The following PLEKHM1 variants were observed in gnomAD, a reference collection of about 807,000 sequenced individuals.
The protein encoded by PLEKHM1 is pleckstrin homology and RUN domain containing M1, also known as pleckstrin homology domain-containing family M member 1.
A neutral mutation model predicts 94.3 loss-of-function variants in PLEKHM1; 28 were observed. The observed-to-expected ratio is 0.30, with a 90% CI of 0.22 to 0.41. The LOEUF (loss-of-function observed/expected upper bound fraction) is 0.41. Ranked by LOEUF, PLEKHM1 falls within the 10% of genes least tolerant of loss-of-function variation. The probability of loss-of-function intolerance (pLI) is 1.00; values close to 1 mark genes in which losing one functional copy is unlikely to be tolerated. For synonymous variants in PLEKHM1, 424 were observed against 581.2 expected (o/e 0.73, Z 3.89); for missense variants, 907 against 1,358.6 (o/e 0.67, Z 5.22).
In PLEKHM1 at chr17:45,436,366, C is replaced by G. The variant is rs1384552405; in HGVS notation, c.*1492G>C. 4.4e-6 allele frequency: 2 copies of G among 454,160 alleles called. No homozygotes were observed. Among genetic ancestry groups the G allele is most frequent in the Admixed American group, 4.7e-5 (2 of 42,584 alleles). 28.1% of individuals were successfully genotyped at this position (454,160 alleles called of 1,614,324 possible). A position where few individuals can be genotyped will look rare whatever the true frequency, so the allele number is the denominator to read the frequency against. ...CATGACCGGGAGAAGCTGTGCGCAG[C>G]CTCCACCTGCCTGCCACCGTTGCCT... On this transcript the variant is annotated 3_prime_UTR_variant, in exon 12 of 12. Coordinates refer to ENST00000430334, the MANE Select transcript of PLEKHM1 (RefSeq NM_014798.3).
chr17:45,462,744 G>A (rs1347158233), intron 5 of PLEKHM1, among the ~76,000 whole-genome samples: 1 of 152,176 alleles, frequency 6.6e-6, no homozygotes, highest in African/African-American at 2.4e-5. Flanking sequence ...ACAAAGGTGG[G>A]TCAAGTGGAC....
chr17:45,444,319 G>C lies in PLEKHM1; in HGVS notation c.2837+1151C>G, dbSNP rs2050535295. Among the ~76,000 whole-genome samples the C allele has an allele frequency of 6.6e-6, 1 of 152,222 alleles. No individual in the cohort carries two copies. The highest frequency in any genetic ancestry group is 1.5e-5 in the Non-Finnish European group (1 of 68,028). On this transcript the variant is annotated intron_variant, in intron 9 of 11. Transcript: ENST00000430334. The surrounding 1 kb of genome is among the most constrained non-coding windows in gnomAD (Gnocchi z 5.0). ...GTCTGCCCTCCTGAGGGTGCTGGGA[G>C]AGTACAGCCCTGGGAAGACTGCAGC...
chr17:45,475,258 G>T lies in PLEKHM1; in HGVS notation c.765C>A (p.Asp255Glu), dbSNP rs765121630. 1.4e-5 allele frequency: 23 copies of T among 1,613,880 alleles called. No individual in the cohort carries two copies. The highest frequency in any genetic ancestry group is 1.3e-4 in the Admixed American group (8 of 60,000). Residue 255 changes from aspartate to glutamate, a missense_variant, in exon 4 of 12, where the codon GAC becomes GAA. Physicochemically the swap from Asp to Glu is conservative, Grantham distance 45 (BLOSUM62 2). Transcript: ENST00000430334. ...QKLTASSLSL[D>E]TASSSQLSCS... ...AGGACAGCTGGGATGAACTGGCCGT[G>T]TCCAGGCTGAGGGAGGAGGCAGTCA...
intron 9 of PLEKHM1, among the ~76,000 whole-genome samples, chr17:45,441,663 C>T (rs2145167176): frequency 6.6e-6 from 1 of 152,298 alleles, no homozygotes; most frequent in Non-Finnish European, 1.5e-5. Context: ...AGTGGCTTCT[C>T]CGCAGTGCTC....
At chr17:45,482,413 C>G in intron 2 of PLEKHM1, 24 bp downstream of exon 2, 2 of 863,092 alleles carry the variant, frequency 2.3e-6, no homozygotes, top group Admixed American at 4.0e-5. Context: ...CTTCCCCGCC[C>G]TTGATCCTCC....
intron 9 of PLEKHM1, among the ~76,000 whole-genome samples, chr17:45,442,732 T>C (rs927708527): frequency 9.9e-5 from 15 of 152,134 alleles, no homozygotes; most frequent in Non-Finnish European, 1.8e-4. Flanking sequence ...TCTAAGCCGC[T>C]GACCGGAAGT....
At chr17:45,486,555 C>G (rs1404255934) in intron 1 of PLEKHM1, among the ~76,000 whole-genome samples, 1 of 151,450 alleles carries the variant, frequency 6.6e-6, no homozygotes, top group Non-Finnish European at 1.5e-5. Flanking sequence ...GCTTGGGCAA[C>G]AGAGCGAGAC....
In PLEKHM1 at chr17:45,445,561, G is replaced by C. The variant is rs1486307731; in HGVS notation, c.2746C>G (p.His916Asp). The change falls in exon 9 of 12, where the codon CAC becomes GAC. Residue 916 changes from histidine (H) to aspartate (D), a missense_variant. His to Asp is a moderately conservative substitution (Grantham distance 81). Coordinates refer to ENST00000430334, the MANE Select transcript of PLEKHM1 (RefSeq NM_014798.3). The surrounding 1 kb of genome is among the most constrained non-coding windows in gnomAD (Gnocchi z 4.2). The stretch of plus-strand genomic sequence containing the variant: ...TGCTCCCGTCTCCTCCCAATGAGGT[G>C]CATCCGCTCCACATGCTCGTACAGA... ...ASLYEHVERMHLIGRRREQLK... is the reference protein window; with the variant it reads ...ASLYEHVERMDLIGRRREQLK... 1 of 1,613,836 alleles carries C rather than the reference G, an allele frequency of 6.2e-7. No homozygotes were observed. Among genetic ancestry groups the C allele is most frequent in the East Asian group, 2.2e-5 (1 of 44,892 alleles).
chr17:45,440,341 C>A, intron 9 of PLEKHM1, 115 bp from the exon 10 acceptor site: 1 of 1,040,688 alleles, frequency 9.6e-7, no homozygotes, highest in Admixed American at 1.9e-5. Context: ...CCCGCCTGGG[C>A]GGGGCAGGGG....
intron 2 of PLEKHM1, 147 bp from the exon 3 acceptor site, chr17:45,478,294 T>C: frequency 1.1e-6 from 1 of 886,284 alleles, no homozygotes; most frequent in South Asian, 1.4e-5. Context: ...TCTGCAAAAT[T>C]AGCACATTGT....
intron 1 of PLEKHM1, among the ~76,000 whole-genome samples, chr17:45,485,908 G>T (rs2052097254): frequency 6.6e-6 from 1 of 150,522 alleles, no homozygotes; most frequent in Admixed American, 6.6e-5. Context: ...AGCAAAGCAA[G>T]AATAAATAAA....
In PLEKHM1 at chr17:45,475,244, G is replaced by A. The variant is rs1353839624; in HGVS notation, c.779C>T (p.Ser260Phe). 3.7e-6 allele frequency: 6 copies of A among 1,613,896 alleles called. No homozygotes were observed. Among genetic ancestry groups the A allele is most frequent in the Admixed American group, 3.3e-5 (2 of 59,996 alleles). The change falls in exon 4 of 12, where the codon TCC becomes TTC. Residue 260 changes from serine (S) to phenylalanine (F), a missense_variant. By Grantham distance (155) the Ser-to-Phe change is radical (BLOSUM62 -2). Coordinates refer to ENST00000430334, the MANE Select transcript of PLEKHM1 (RefSeq NM_014798.3). ...AGAGTTTAGGCTGCAGGACAGCTGGGATGAACTGGCCGTGTCCAGGCTGAG... is the reference window on the plus strand; with the variant it reads ...AGAGTTTAGGCTGCAGGACAGCTGGAATGAACTGGCCGTGTCCAGGCTGAG... Reference protein sequence around the residue: ...SSLSLDTASSSQLSCSLNSDS... With the variant: ...SSLSLDTASSFQLSCSLNSDS...
chr17:45,470,574 A>G (rs2051472027), intron 4 of PLEKHM1, among the ~76,000 whole-genome samples: 1 of 152,038 alleles, frequency 6.6e-6, no homozygotes, highest in Non-Finnish European at 1.5e-5. Flanking sequence ...GGCTGCAGTG[A>G]GCCGAGATCA....
At position 45,453,243 on chromosome 17, in the gene PLEKHM1, G is replaced by A. The variant is rs1317223268; in HGVS notation, c.2497+112C>T. 4 of 856,174 alleles carry A rather than the reference G, an allele frequency of 4.7e-6. No individual in the cohort carries two copies. Among genetic ancestry groups the A allele is most frequent in the Admixed American group, 2.0e-5 (1 of 50,152 alleles). The allele number at this position is 856,174 out of a possible 1,614,324, so 53.0% of individuals were successfully genotyped here. On this transcript the variant is annotated intron_variant, in intron 7 of 11. Coordinates refer to ENST00000430334, the MANE Select transcript of PLEKHM1 (RefSeq NM_014798.3). This position sits in a 1 kb window ranked among gnomAD's most constrained non-coding sequence, Gnocchi z 4.1. ...CTGATCTGTGGCCTCATCCCTAGGG[G>A]AAGGATGGGGGCATTTGCGGGGAGG...
rs1353589324 is a variant in PLEKHM1 at position 45,454,130 on chromosome 17, C to T, written c.1722G>A (p.Val574=). The T allele has an allele frequency of 6.2e-7, 1 of 1,614,056 alleles. No individual in the cohort carries two copies. The highest frequency in any genetic ancestry group is 8.5e-7 in the Non-Finnish European group (1 of 1,180,050). ...CACAGCGAAGCAGCGAGCAGTTCTC[C>T]ACACAGGTGTGCTCCTCGTTGCTCA... ...LYLSNEEHTC[V]ENCSLLRCES... The change falls in exon 7 of 12, where the codon GTG becomes GTA. Residue 574 remains valine, a synonymous_variant. Coordinates refer to ENST00000430334, the MANE Select transcript of PLEKHM1 (RefSeq NM_014798.3).
At chr17:45,446,666 T>C (rs1462095235) in intron 8 of PLEKHM1, among the ~76,000 whole-genome samples, 13 of 152,256 alleles carry the variant, frequency 8.5e-5, no homozygotes, top group Admixed American at 7.2e-4. Flanking sequence ...TTGTTTTTGA[T>C]ACTATTATAA....
intron 4 of PLEKHM1, among the ~76,000 whole-genome samples, chr17:45,470,698 G>A (rs528828230): frequency 3.3e-5 from 5 of 150,366 alleles, no homozygotes; most frequent in African/African-American, 9.7e-5. Context: ...TCACTCTGTC[G>A]CCCAGGCTGG....
At chr17:45,455,423 G>C (rs1414991181) in intron 6 of PLEKHM1, among the ~76,000 whole-genome samples, 3 of 151,760 alleles carry the variant, frequency 2.0e-5, no homozygotes, top group Non-Finnish European at 4.4e-5. Context: ...TCAGGCTTTA[G>C]CTCCCAATTT....
rs1198893102 is a variant in PLEKHM1 at position 45,489,593 on chromosome 17, GAGA to G, written c.-42+1056_-42+1058del. On this transcript the variant is annotated intron_variant, in intron 1 of 11. Transcript: ENST00000430334. ...ACACAATCCCTGAGGACAGGTGCAG[GAGA>G]CCAGATGCCAGGAAAAACCCCGGCC... is the stretch of plus-strand genomic sequence containing the variant. 2.6e-5 allele frequency among the ~76,000 whole-genome samples: 4 copies of G among 152,276 alleles called. No individual in the cohort carries two copies. The East Asian group carries it at 7.7e-4, about 29-fold the overall frequency.
Sources: gnomAD v4.1 joint callset for allele counts (sites outside exome capture counted in the v4.1 genomes callset) on GRCh38, gnomAD v4.1.1 for gene constraint, Gnocchi (gnomAD v3.1) non-coding constraint, MANE v1.5 for transcripts, NCBI Gene and HGNC (gene_info 2026-07-23, HGNC 2026-07-21) for gene names.